Variants in LINC00632 observed in about 807,000 individuals in gnomAD.
The protein encoded by LINC00632 is long independently transcribed non-coding RNA 632.
At chrX:140,724,560 TAC>T (rs766332806) in intron 2 of LINC00632, among the ~76,000 whole-genome samples, 923 of 15,015 alleles carry the variant, frequency 0.061, no homozygotes, top group Middle Eastern at 0.26. Flanking sequence ...CACACTTCCA[TAC>T]ACAGAGACAC....
chrX:140,755,117 C>T (rs918268775), intron 3 of LINC00632, among the ~76,000 whole-genome samples: 3 of 112,146 alleles, frequency 2.7e-5, no homozygotes, highest in Non-Finnish European at 5.6e-5. Flanking sequence ...TTAAATCAGA[C>T]TCTATTGAAT....
In LINC00632 at chrX:140,773,207, A is replaced by G. The variant is rs1025499449; in HGVS notation, n.1321A>G. 9.3e-5 allele frequency among the ~76,000 whole-genome samples: 9 copies of G among 96,590 alleles called. No individual in the cohort carries two copies. In the Admixed American group the frequency reaches 1.2e-3, roughly 13 times the overall value. 83.9% of individuals were successfully genotyped at this position (96,590 alleles called of 115,157 possible). A position where few individuals can be genotyped will look rare whatever the true frequency, so the allele number is the denominator to read the frequency against. ...GAGAAGAGAAAAGAGAAGAGAAGAA[A>G]GAAGAGAAGAGAAGAGAAGAGAAGC... is the stretch of plus-strand genomic sequence containing the variant. On this transcript the variant is annotated non_coding_transcript_exon_variant, in exon 4 of 5. Transcript: ENST00000648200.
chrX:140,744,567 T>TGG (rs373766988), intron 3 of LINC00632, among the ~76,000 whole-genome samples: 52 of 18,163 alleles, frequency 2.9e-3, no homozygotes, highest in African/African-American at 7.6e-3. Flanking sequence ...AGCTTTTTTT[T>TGG]GGGGGGGGGG....
exon 5 of LINC00632, among the ~76,000 whole-genome samples, chrX:140,776,979 T>C (rs1350249044): frequency 9.1e-6 from 1 of 110,328 alleles, no homozygotes; most frequent in Non-Finnish European, 1.9e-5. Flanking sequence ...ATTGAGATCA[T>C]GCCCTTTGTG....
chrX:140,752,049 G>C (rs979351667), intron 3 of LINC00632, among the ~76,000 whole-genome samples: 1 of 111,156 alleles, frequency 9.0e-6, no homozygotes, highest in African/African-American at 3.3e-5. Flanking sequence ...CCCTAGCTCT[G>C]GCTTCTTCCA....
At chrX:140,790,800 C>A (rs187935785) in exon 5 of LINC00632, among the ~76,000 whole-genome samples, 752 of 111,445 alleles carry the variant, frequency 6.7e-3, no homozygotes, top group Middle Eastern at 0.014. Flanking sequence ...TTTAAAAATT[C>A]ATTATCATTA....
At chrX:140,750,680 A>C (rs1311542081) in intron 3 of LINC00632, among the ~76,000 whole-genome samples, 2 of 110,742 alleles carry the variant, frequency 1.8e-5, no homozygotes, top group African/African-American at 6.6e-5. Context: ...TACATGGATA[A>C]GTTATTTGGT....
At chrX:140,726,815 T>A (rs992569844) in intron 2 of LINC00632, among the ~76,000 whole-genome samples, 4 of 111,717 alleles carry the variant, frequency 3.6e-5, no homozygotes. Context: ...TAAGAACTTA[T>A]AAGCATTTCT....
intron 2 of LINC00632, among the ~76,000 whole-genome samples, chrX:140,731,020 G>A (rs1931047386): frequency 9.1e-6 from 1 of 109,898 alleles, no homozygotes; most frequent in Admixed American, 9.8e-5. Flanking sequence ...TTCTGCCTCG[G>A]CCTCCCAAGT....
chrX:140,760,496 C>G (rs1365551213), intron 3 of LINC00632, among the ~76,000 whole-genome samples: 2 of 111,335 alleles, frequency 1.8e-5, no homozygotes, highest in Non-Finnish European at 3.8e-5. Context: ...ATAGGCCGGG[C>G]GCGGTGGCTC....
At chrX:140,731,931 TG>T (rs773157049) in intron 2 of LINC00632, among the ~76,000 whole-genome samples, 1 of 111,540 alleles carries the variant, frequency 9.0e-6, no homozygotes, top group South Asian at 3.8e-4. Flanking sequence ...AGGCAAGGCG[TG>T]GCAGTTCGTG....
chrX:140,754,641 G>C (rs1602747068), intron 3 of LINC00632, among the ~76,000 whole-genome samples: 1 of 111,230 alleles, frequency 9.0e-6, no homozygotes, highest in Non-Finnish European at 1.9e-5. Context: ...GGGGAAAATG[G>C]AGCTCAAGGA....
chrX:140,727,538 C>T (rs751614970), intron 2 of LINC00632, among the ~76,000 whole-genome samples: 2 of 111,558 alleles, frequency 1.8e-5, no homozygotes, highest in South Asian at 3.8e-4. Flanking sequence ...GGTGATCTGC[C>T]CACCTTGGCC....
At chrX:140,716,383 G>A (rs998823944) in intron 2 of LINC00632, 2 of 111,108 alleles carry the variant, frequency 1.8e-5, no homozygotes, top group African/African-American at 3.3e-5. Flanking sequence ...TAATAAATAC[G>A]TTAAGATTTG....
At chrX:140,722,408 C>T (rs1930744288) in intron 2 of LINC00632, among the ~76,000 whole-genome samples, 1 of 109,161 alleles carries the variant, frequency 9.2e-6, no homozygotes, top group South Asian at 4.1e-4. Context: ...ATTCATCACC[C>T]GAATCTGTTA....
intron 2 of LINC00632, among the ~76,000 whole-genome samples, chrX:140,733,470 C>A (rs1931093201): frequency 8.9e-6 from 1 of 111,978 alleles, no homozygotes; most frequent in Non-Finnish European, 1.9e-5. Context: ...TGTCTTCTCA[C>A]CTGTAACATG....
exon 4 of LINC00632, among the ~76,000 whole-genome samples, chrX:140,773,193 A>G (rs1393736066): frequency 9.2e-6 from 1 of 108,538 alleles, no homozygotes; most frequent in East Asian, 2.8e-4. Flanking sequence ...AGAAGAGAAA[A>G]GAGAAGAGAA....
chrX:140,722,455 A>AC (rs1228345528), intron 2 of LINC00632, among the ~76,000 whole-genome samples: 1 of 108,693 alleles, frequency 9.2e-6, no homozygotes, highest in African/African-American at 3.4e-5. Flanking sequence ...ACACATATTT[A>AC]CCCCCCAGCA....
exon 5 of LINC00632, among the ~76,000 whole-genome samples, chrX:140,778,560 G>A (rs1931899729): frequency 1.9e-5 from 2 of 104,828 alleles, no homozygotes; most frequent in East Asian, 3.0e-4. Context: ...AGCCAAGATC[G>A]CACCACTGCA....
Sources: allele counts gnomAD v4.1 joint callset (sites outside exome capture counted in the v4.1 genomes callset), GRCh38; gene constraint gnomAD v4.1.1; transcripts MANE v1.5; gene names NCBI Gene and HGNC (gene_info 2026-07-23, HGNC 2026-07-21).